DACH1: variants seen among roughly 807,000 people sequenced by gnomAD.
DACH1 encodes dachshund homolog 1.
DACH1 carries 12 observed loss-of-function variants against 54.2 expected under a neutral mutation model. The observed-to-expected ratio is 0.22, with a 90% confidence interval of 0.14 to 0.36. The LOEUF (loss-of-function observed/expected upper bound fraction) is 0.36, where lower values mean the gene tolerates loss of function less well. Among genes scored for constraint, DACH1 ranks in the 10% least tolerant of loss-of-function variants. DACH1 has a pLI of 1.00. For missense variants in DACH1, 805 were observed against 929.8 expected, an observed-to-expected ratio of 0.87 and a Z score of 1.75; for synonymous variants, 386 against 366.2, an observed-to-expected ratio of 1.05 and a Z score of -0.62.
chr13:71,821,386 G>A (rs545124619), intron 1 of DACH1, among the ~76,000 whole-genome samples: 4 of 100,656 alleles, frequency 4.0e-5, no homozygotes, highest in Non-Finnish European at 7.3e-5. Flanking sequence ...TGGAGTGCAC[G>A]ATCCTGAGGT....
chr13:71,479,042 C>G (rs1005113203), intron 8 of DACH1, 127 bp downstream of exon 8: 7 of 815,734 alleles, frequency 8.6e-6, no homozygotes, highest in Admixed American at 3.4e-5. Context: ...GATTCAAATT[C>G]TGCTCTGAAC....
intron 1 of DACH1, among the ~76,000 whole-genome samples, chr13:71,805,279 G>A (rs969497602): frequency 1.3e-5 from 2 of 152,142 alleles, no homozygotes; most frequent in East Asian, 3.8e-4. Context: ...CTTTCTTGAT[G>A]GTTTTGAGGA....
chr13:71,768,353 G>T (rs1242745442), intron 1 of DACH1, among the ~76,000 whole-genome samples: 1 of 151,934 alleles, frequency 6.6e-6, no homozygotes, highest in Non-Finnish European at 1.5e-5. Context: ...AAAGCTTACT[G>T]CAGGTAGGAA....
At chr13:71,626,893 C>T (rs1450474922) in intron 3 of DACH1, among the ~76,000 whole-genome samples, 1 of 151,968 alleles carries the variant, frequency 6.6e-6, no homozygotes, top group Non-Finnish European at 1.5e-5. Flanking sequence ...CCTTCAGATG[C>T]CAAGAGCAGA....
chr13:71,637,530 T>C (rs2138587435), intron 2 of DACH1, among the ~76,000 whole-genome samples: 1 of 152,298 alleles, frequency 6.6e-6, no homozygotes, highest in South Asian at 2.1e-4. Context: ...ATCAGATTTA[T>C]CATAAAATCA....
intron 6 of DACH1, among the ~76,000 whole-genome samples, chr13:71,544,332 CTTCA>C (rs1403983378): frequency 1.3e-5 from 2 of 152,090 alleles, no homozygotes; most frequent in African/African-American, 4.8e-5. Context: ...TGGGTTTAGT[CTTCA>C]TTATCATTGA....
chr13:71,838,010 G>C (rs1400466682), intron 1 of DACH1, among the ~76,000 whole-genome samples: 40 of 49,166 alleles, frequency 8.1e-4, no homozygotes, highest in African/African-American at 3.4e-3. Flanking sequence ...GTGGTGGGGA[G>C]GGGGGAGGGG....
intron 7 of DACH1, among the ~76,000 whole-genome samples, chr13:71,482,311 TAAG>T (rs1332203366): frequency 6.6e-6 from 1 of 152,190 alleles, no homozygotes; most frequent in Non-Finnish European, 1.5e-5. Context: ...TCTGTCTATA[TAAG>T]AAGACTTCAA....
At chr13:71,754,887 C>A (rs1334732154) in intron 1 of DACH1, among the ~76,000 whole-genome samples, 2 of 152,026 alleles carry the variant, frequency 1.3e-5, no homozygotes, top group Non-Finnish European at 2.9e-5. Context: ...TGTTAAATAT[C>A]ATTTCTTCCT....
intron 3 of DACH1, among the ~76,000 whole-genome samples, chr13:71,581,218 T>C (rs1031577895): frequency 2.6e-5 from 4 of 152,182 alleles, no homozygotes; most frequent in South Asian, 2.1e-4. Flanking sequence ...GCTTATGATA[T>C]GCAGGAGAGG....
At chr13:71,674,211 T>C (rs1277398431) in intron 2 of DACH1, among the ~76,000 whole-genome samples, 1 of 152,138 alleles carries the variant, frequency 6.6e-6, no homozygotes, top group Non-Finnish European at 1.5e-5. Flanking sequence ...CACCTGGACT[T>C]CTCATAATAC....
Position 71,471,701 on chromosome 13 carries a change from G to A in DACH1, c.2083+3440C>T, listed in dbSNP as rs59538774. Among the ~76,000 whole-genome samples, 739 of 151,750 alleles carry A rather than the reference G, an allele frequency of 4.9e-3. 3 individuals are homozygous for A. Among genetic ancestry groups the A allele is most frequent in the Middle Eastern group, 0.017 (5 of 292 alleles). ...CAGGAGGTGGAGGTTATGGTGAACC[G>A]AGATGGTGCCACTGCACTCCAGCCT... On this transcript the variant is annotated intron_variant, in intron 10 of 10. Coordinates refer to ENST00000613252, the MANE Select transcript of DACH1 (RefSeq NM_080759.6).
intron 1 of DACH1, among the ~76,000 whole-genome samples, chr13:71,780,226 G>A (rs1886315233): frequency 6.6e-6 from 1 of 152,120 alleles, no homozygotes; most frequent in African/African-American, 2.4e-5. Context: ...TGAAAAGTTA[G>A]AAAGAGCTTG....
chr13:71,848,359 G>T (rs9572801), intron 1 of DACH1, among the ~76,000 whole-genome samples: 8 of 151,926 alleles, frequency 5.3e-5, no homozygotes, highest in Non-Finnish European at 1.2e-4. Flanking sequence ...TGTATATAAG[G>T]ACTTTGTAAT....
intron 6 of DACH1, among the ~76,000 whole-genome samples, chr13:71,549,303 T>G (rs560656897): frequency 6.6e-6 from 1 of 152,240 alleles, no homozygotes; most frequent in South Asian, 2.1e-4. Flanking sequence ...AAAAATATTA[T>G]CTATTTGCAC....
At chr13:71,601,782 T>C (rs1036755336) in intron 3 of DACH1, among the ~76,000 whole-genome samples, 7 of 152,030 alleles carry the variant, frequency 4.6e-5, no homozygotes, top group Non-Finnish European at 1.0e-4. Flanking sequence ...TTGAAACTAA[T>C]GTAACCACTG....
At chr13:71,454,422 C>T (rs1027391720) in intron 10 of DACH1, among the ~76,000 whole-genome samples, 1 of 152,114 alleles carries the variant, frequency 6.6e-6, no homozygotes, top group African/African-American at 2.4e-5. Context: ...TGGGTTGTAC[C>T]TAGGGACTTG....
intron 6 of DACH1, 123 bp from the exon 7 acceptor site, chr13:71,489,271 G>T: frequency 9.4e-7 from 1 of 1,062,422 alleles, no homozygotes; most frequent in Non-Finnish European, 1.4e-6. Context: ...GCTATCAGGA[G>T]AAAATGCTTT....
intron 1 of DACH1, among the ~76,000 whole-genome samples, chr13:71,836,084 T>C (rs1888771662): frequency 6.6e-6 from 1 of 151,982 alleles, no homozygotes; most frequent in Non-Finnish European, 1.5e-5. Context: ...CTGGTAATAG[T>C]CTTACCTTAT....
Sources: allele counts gnomAD v4.1 joint callset (sites outside exome capture counted in the v4.1 genomes callset), GRCh38; gene constraint gnomAD v4.1.1; transcripts MANE v1.5; gene names NCBI Gene and HGNC (gene_info 2026-07-23, HGNC 2026-07-21).